MTMR9: variants seen among roughly 807,000 people sequenced by gnomAD.
The protein encoded by MTMR9 is myotubularin related protein 9, also known as myotubularin-related protein 9.
A neutral mutation model predicts 69.5 loss-of-function variants in MTMR9; 39 were observed. That is an observed-to-expected ratio of 0.56 (90% CI 0.43 to 0.73). The LOEUF is 0.73. Ranked by LOEUF, MTMR9 falls within the 30% of genes least tolerant of loss-of-function variation. MTMR9 has a pLI of 0.00. For synonymous variants in MTMR9, 354 were observed against 240.8 expected (o/e 1.47, Z -4.35); for missense variants, 900 against 671.2 (o/e 1.34, Z -3.77).
downstream of MTMR9, chr8:11,332,328 C>A: frequency 1.1e-6 from 1 of 923,222 alleles, no homozygotes; most frequent in Non-Finnish European, 1.5e-6. Flanking sequence ...AGAAATCTGG[C>A]TTATTTACAG....
At chr8:11,309,481 TTC>T in intron 5 of MTMR9, 44 bp from the exon 6 acceptor site, 1 of 1,534,708 alleles carries the variant, frequency 6.5e-7, no homozygotes, top group Non-Finnish European at 8.8e-7. Context: ...TTCTTTATCT[TTC>T]TATTTTCTGG....
chr8:11,291,471 A>G (rs932607485), intron 1 of MTMR9, among the ~76,000 whole-genome samples: 4 of 152,172 alleles, frequency 2.6e-5, no homozygotes, highest in African/African-American at 7.2e-5. Flanking sequence ...AAATGATAAA[A>G]TAGAACTGAA....
intron 8 of MTMR9, chr8:11,318,044 G>C (rs1800502770): frequency 6.6e-6 from 1 of 152,150 alleles, no homozygotes; most frequent in Non-Finnish European, 1.5e-5. Flanking sequence ...AATCATTAAA[G>C]GCTTTAAGAC....
downstream of MTMR9, among the ~76,000 whole-genome samples, chr8:11,330,109 G>T (rs1256498677): frequency 6.6e-6 from 1 of 151,768 alleles, no homozygotes; most frequent in Non-Finnish European, 1.5e-5. Flanking sequence ...GGAGGTGGGA[G>T]GTCAGCCCCC....
intron 1 of MTMR9, among the ~76,000 whole-genome samples, chr8:11,285,563 C>T (rs768578685): frequency 6.6e-6 from 1 of 151,952 alleles, no homozygotes; most frequent in Admixed American, 6.6e-5. Context: ...TATTTCTTAC[C>T]TTCTGGGTCA....
chr8:11,321,333 T>A, intron 9 of MTMR9: 1 of 448,498 alleles, frequency 2.2e-6, no homozygotes, highest in Non-Finnish European at 4.5e-6. Flanking sequence ...CATGATCTCT[T>A]AAACGAGAGG....
intron 2 of MTMR9, among the ~76,000 whole-genome samples, chr8:11,297,627 G>C (rs11995870): frequency 0.065 from 9,938 of 151,948 alleles, 1,111 homozygotes; most frequent in African/African-American, 0.23. Context: ...TGACTGGCTG[G>C]TTGGTGTCAG....
chr8:11,287,732 T>C (rs904853715), intron 1 of MTMR9, among the ~76,000 whole-genome samples: 3 of 136,994 alleles, frequency 2.2e-5, no homozygotes, highest in Admixed American at 1.6e-4. Flanking sequence ...TATTATATAT[T>C]ATATATTATT....
At chr8:11,303,776 T>G (rs1799836192) in intron 3 of MTMR9, among the ~76,000 whole-genome samples, 1 of 152,128 alleles carries the variant, frequency 6.6e-6, no homozygotes, top group Non-Finnish European at 1.5e-5. Context: ...TCAAGCAATT[T>G]GCCTGCCTTG....
chr8:11,309,658 C>T lies in MTMR9; in HGVS notation c.941C>T (p.Thr314Ile), dbSNP rs749118812. Residue 314 changes from threonine to isoleucine, a missense_variant, in exon 6 of 10, where the codon ACT (threonine) becomes ATT (isoleucine). By Grantham distance (89) the Thr-to-Ile change is moderately conservative. Transcript: ENST00000221086. ...WLTHIKEILTTACLAAQCIDR... is the reference protein window; with the variant it reads ...WLTHIKEILTIACLAAQCIDR... Reference sequence around the variant, plus strand: ...ACTCACATCAAAGAGATTCTGACAACTGCCTGCCTAGCGGCTCAGTGCATC... The same window carrying T: ...ACTCACATCAAAGAGATTCTGACAATTGCCTGCCTAGCGGCTCAGTGCATC... 4.3e-6 allele frequency: 7 copies of T among 1,613,816 alleles called. No individual in the cohort carries two copies. The Admixed American group carries it at 5.0e-5, about 12-fold the overall frequency.
rs911477096 is a variant in MTMR9 at position 11,325,775 on chromosome 8, T to C, written c.*2987T>C. ...TTTATTTGGTCAAAATTTTTTATTTTGATTTTATTAAATGGGAAGAAAGCA... is the reference window on the plus strand; with the variant it reads ...TTTATTTGGTCAAAATTTTTTATTTCGATTTTATTAAATGGGAAGAAAGCA... On this transcript the variant is annotated 3_prime_UTR_variant, in exon 10 of 10. Transcript: ENST00000221086. 1 of 152,164 alleles carries C rather than the reference T, an allele frequency of 6.6e-6. No homozygotes were observed. The highest frequency in any genetic ancestry group is 2.4e-5 in the African/African-American group (1 of 41,448). 9.4% of individuals were successfully genotyped at this position (152,164 alleles called of 1,614,324 possible).
intron 2 of MTMR9, 152 bp from the exon 3 acceptor site, chr8:11,299,871 A>G (rs2117386338): frequency 1.1e-6 from 1 of 881,838 alleles, no homozygotes; most frequent in East Asian, 2.9e-5. Context: ...CAGTAAGACT[A>G]AAATTGTATC....
rs777398530 is a variant in MTMR9, at chr8:11,306,384, G to T, written c.786G>T (p.Arg262Ser). 2.5e-6 allele frequency: 4 copies of T among 1,613,996 alleles called. No homozygotes were observed. Among genetic ancestry groups the T allele is most frequent in the Non-Finnish European group, 3.4e-6 (4 of 1,179,906 alleles). Residue 262 changes from arginine (R) to serine (S), a missense_variant, in exon 5 of 10, where the codon AGG becomes AGT. Transcript: ENST00000221086. ...AAGAAGCTCATTATCCTCAGTGGAG[G>T]CGAATTCATAAGTCCATTGAGAGGT... ...FEQEAHYPQW[R>S]RIHKSIERYH...
At position 11,323,634 on chromosome 8, in the gene MTMR9, C is replaced by T. The variant is rs1439500559; in HGVS notation, c.*846C>T. 6.6e-6 allele frequency: 1 copy of T among 152,162 alleles called. No homozygotes were observed. Among genetic ancestry groups the T allele is most frequent in the Non-Finnish European group, 1.5e-5 (1 of 68,030 alleles). 9.4% of individuals were successfully genotyped at this position (152,162 alleles called of 1,614,324 possible). A position where few individuals can be genotyped will look rare whatever the true frequency, so the allele number is the denominator to read the frequency against. On this transcript the variant is annotated 3_prime_UTR_variant, in exon 10 of 10. Transcript: ENST00000221086. ...ATAGAGTTAATTTATTATAATCAAG[C>T]TACAAATAGGTTTTCTTAAACCAGA...
At chr8:11,300,984 G>A (rs1430155001) in intron 3 of MTMR9, among the ~76,000 whole-genome samples, 1 of 152,246 alleles carries the variant, frequency 6.6e-6, no homozygotes, top group East Asian at 1.9e-4. Flanking sequence ...TGCTGTTGTT[G>A]CATGAAAAAA....
intron 5 of MTMR9, among the ~76,000 whole-genome samples, chr8:11,307,085 T>G (rs1487928894): frequency 6.6e-6 from 1 of 152,200 alleles, no homozygotes; most frequent in Non-Finnish European, 1.5e-5. Flanking sequence ...TTATTTTATT[T>G]TTTTGGGATG....
At chr8:11,308,054 A>C (rs1322736429) in intron 5 of MTMR9, among the ~76,000 whole-genome samples, 3 of 152,080 alleles carry the variant, frequency 2.0e-5, no homozygotes, top group African/African-American at 7.2e-5. Context: ...GTTCAGTCTC[A>C]TTTGTCTATT....
At chr8:11,298,052 A>G (rs562407091) in intron 2 of MTMR9, 3 of 395,006 alleles carry the variant, frequency 7.6e-6, no homozygotes, top group East Asian at 7.4e-5. Flanking sequence ...GTAGAATCCC[A>G]TTGGAAGAAT....
chr8:11,298,523 T>C (rs2117381198), intron 2 of MTMR9, among the ~76,000 whole-genome samples: 1 of 152,234 alleles, frequency 6.6e-6, no homozygotes, highest in South Asian at 2.1e-4. Flanking sequence ...TTTGCTACAC[T>C]GCTGAGCTGT....
Sources: allele counts gnomAD v4.1 joint callset (sites outside exome capture counted in the v4.1 genomes callset), GRCh38; gene constraint gnomAD v4.1.1; transcripts MANE v1.5; gene names NCBI Gene and HGNC (gene_info 2026-07-23, HGNC 2026-07-21).